The following AHNAK variants were observed in gnomAD, a reference collection of about 807,000 sequenced individuals.
AHNAK encodes AHNAK nucleoprotein, also known as neuroblast differentiation-associated protein AHNAK.
Under a neutral mutation model 37.8 loss-of-function variants are expected in AHNAK, and 23 were observed. The observed-to-expected ratio is 0.61, with a 90% CI of 0.44 to 0.86. The LOEUF (loss-of-function observed/expected upper bound fraction) is 0.86. AHNAK is among the 40% of genes least tolerant of loss of function. The pLI, the probability that AHNAK is intolerant of heterozygous loss-of-function variation, is 0.00. For missense variants in AHNAK, 7,411 were observed against 7,319.4 expected (o/e 1.01, Z -0.46); for synonymous variants, 2,481 against 2,636.3 (o/e 0.94, Z 1.80).
rs1234879475 is a variant in AHNAK, at chr11:62,478,159, CT to C, written c.442+13572del. 3.9e-5 allele frequency among the ~76,000 whole-genome samples: 6 copies of C among 152,290 alleles called. No individual in the cohort carries two copies. The East Asian group carries it at 1.2e-3, about 29-fold the overall frequency. ...ATTCCAGGTGGTTTCTTAGAATGGC[CT>C]CTCACCACCACCCGCAGCCTCACCC... is the stretch of plus-strand genomic sequence containing the variant. On this transcript the variant is annotated intron_variant, in intron 5 of 5. Coordinates refer to the AHNAK transcript ENST00000257247.
chr11:62,534,946 A>C (rs1940893227), intron 4 of AHNAK, 57 bp downstream of exon 4: 1 of 1,566,986 alleles, frequency 6.4e-7, no homozygotes, highest in African/African-American at 1.3e-5. Context: ...GAGTGGGGTC[A>C]GCAGGCCGGC....
intron 5 of AHNAK, among the ~76,000 whole-genome samples, chr11:62,438,974 C>T (rs1245255544): frequency 6.6e-6 from 1 of 152,068 alleles, no homozygotes; most frequent in East Asian, 1.9e-4. Flanking sequence ...ACAGGTACCA[C>T]TGCTGACCTG....
chr11:62,482,272 G>A (rs957551341), intron 5 of AHNAK, among the ~76,000 whole-genome samples: 25 of 152,218 alleles, frequency 1.6e-4, no homozygotes, highest in African/African-American at 5.5e-4. Context: ...AAATTTATCC[G>A]GGCGTGGTGG....
At chr11:62,463,977 C>T (rs1328480810) in intron 5 of AHNAK, among the ~76,000 whole-genome samples, 2 of 151,316 alleles carry the variant, frequency 1.3e-5, no homozygotes, top group Admixed American at 1.3e-4. Flanking sequence ...ACCATGTTGG[C>T]CAGGATGGTC....
chr11:62,484,656 G>A (rs991473259), intron 5 of AHNAK, among the ~76,000 whole-genome samples: 23 of 152,134 alleles, frequency 1.5e-4, no homozygotes, highest in African/African-American at 5.6e-4. Context: ...GAGCAGTGAG[G>A]GCCAGGTGGT....
chr11:62,466,136 A>G (rs1938907701), intron 5 of AHNAK, among the ~76,000 whole-genome samples: 1 of 152,114 alleles, frequency 6.6e-6, no homozygotes, highest in Non-Finnish European at 1.5e-5. Context: ...CCTGGCCAAC[A>G]TGGCGAAATC....
chr11:62,487,930 G>A (rs1342632289), intron 5 of AHNAK, among the ~76,000 whole-genome samples: 1 of 152,180 alleles, frequency 6.6e-6, no homozygotes, highest in Admixed American at 6.6e-5. Context: ...CATGAAAGTG[G>A]GGGACACGCA....
chr11:62,540,959 C>T (rs1451060317), intron 1 of AHNAK, among the ~76,000 whole-genome samples: 5 of 152,242 alleles, frequency 3.3e-5, no homozygotes, highest in Non-Finnish European at 7.3e-5. Context: ...AGATTCTTGA[C>T]CCCAGCAGAT....
chr11:62,439,805 CTA>C (rs900780327), intron 5 of AHNAK, among the ~76,000 whole-genome samples: 1 of 151,430 alleles, frequency 6.6e-6, no homozygotes, highest in Non-Finnish European at 1.5e-5. Context: ...GTAGGTGGGA[CTA>C]TAGGCACCCA....
intron 5 of AHNAK, among the ~76,000 whole-genome samples, chr11:62,468,137 T>C (rs1022960130): frequency 6.6e-6 from 1 of 152,088 alleles, no homozygotes; most frequent in African/African-American, 2.4e-5. Flanking sequence ...TCACTTGAGG[T>C]CAGGAGTTTG....
chr11:62,505,749 C>A (rs1939799075), intron 4 of AHNAK, among the ~76,000 whole-genome samples: 1 of 151,308 alleles, frequency 6.6e-6, no homozygotes, highest in African/African-American at 2.4e-5. Context: ...CCCGACACAC[C>A]TCCCCCTACT....
chr11:62,506,667 T>A (rs1368054183), intron 4 of AHNAK, among the ~76,000 whole-genome samples: 2 of 152,192 alleles, frequency 1.3e-5, no homozygotes, highest in African/African-American at 4.8e-5. Flanking sequence ...CTGGGGGCCT[T>A]CCAGGCTGTG....
chr11:62,470,998 G>A (rs1200482138), intron 5 of AHNAK, among the ~76,000 whole-genome samples: 1 of 152,038 alleles, frequency 6.6e-6, no homozygotes, highest in East Asian at 1.9e-4. Context: ...CCTGCAAGCT[G>A]AAAGAACGTC....
Position 62,526,861 on chromosome 11 carries a change from C to G in AHNAK, c.7556G>C (p.Ser2519Thr). ...GCCCTCTGCTTTGAAGCCAGGCATG[C>G]TGAACTTGGGCATTTTCATCTTGGG... ...KMPKMKMPKF[S>T]MPGFKAEGPE... is the part of the protein sequence containing the mutation. The change falls in exon 5 of 5, where the codon AGC becomes ACC. Residue 2519 changes from serine (S) to threonine (T), a missense_variant. By Grantham distance (58) the Ser-to-Thr change is moderately conservative (BLOSUM62 1). Transcript: ENST00000378024. 6.2e-7 allele frequency: 1 copy of G among 1,614,036 alleles called. No individual in the cohort carries two copies. Among genetic ancestry groups the G allele is most frequent in the Non-Finnish European group, 8.5e-7 (1 of 1,180,010 alleles).
chr11:62,520,552 A>C lies in AHNAK; in HGVS notation c.13865T>G (p.Leu4622Arg). 6.2e-7 allele frequency: 1 copy of C among 1,614,158 alleles called. No individual in the cohort carries two copies. Among genetic ancestry groups the C allele is most frequent in the Non-Finnish European group, 8.5e-7 (1 of 1,180,042 alleles). The change falls in exon 5 of 5, where the codon CTC becomes CGC. Residue 4622 changes from leucine (L) to arginine (R), a missense_variant. By Grantham distance (102) the Leu-to-Arg change is moderately radical (BLOSUM62 -2). Coordinates refer to ENST00000378024, the MANE Select transcript of AHNAK (RefSeq NM_001620.3). ...DISLPKVEGD[L>R]KGPEVDIRDP... ...CCTGATGTCAACTTCGGGGCCCTTG[A>C]GGTCGCCTTCCACTTTGGGCAGAGA...
In AHNAK at chr11:62,520,607, C is replaced by G. The variant is rs1168788946; in HGVS notation, c.13810G>C (p.Gly4604Arg). ...SMPEVDLNLKGPKVKGDMDIS... is the reference protein window; with the variant it reads ...SMPEVDLNLKRPKVKGDMDIS... ...TCCATGTCGCCCTTCACCTTTGGAC[C>G]TTTCAGATTCAGGTCAACTTCAGGC... Residue 4604 changes from glycine to arginine, a missense_variant, in exon 5 of 5, where the codon GGT becomes CGT. By Grantham distance (125) the Gly-to-Arg change is moderately radical. Transcript: ENST00000378024. The G allele has an allele frequency of 6.2e-7, 1 of 1,614,138 alleles. No homozygotes were observed. Among genetic ancestry groups the G allele is most frequent in the East Asian group, 2.2e-5 (1 of 44,878 alleles).
At position 62,518,321 on chromosome 11, in the gene AHNAK, T is replaced by C; in HGVS notation, c.16096A>G (p.Arg5366Gly). Reference protein sequence around the residue: ...LNVGAPDVTLRGPSLQGDLAV... With the variant: ...LNVGAPDVTLGGPSLQGDLAV... Reference sequence around the variant, plus strand: ...AGATCTCCCTGCAGGCTTGGTCCCCTCAGTGTCACATCTGGTGCCCCAACG... The same window carrying C: ...AGATCTCCCTGCAGGCTTGGTCCCCCCAGTGTCACATCTGGTGCCCCAACG... The change falls in exon 5 of 5, where the codon AGG becomes GGG. Residue 5366 changes from arginine (R) to glycine (G), a missense_variant. Physicochemically the swap from Arg to Gly is moderately radical, Grantham distance 125. Coordinates refer to ENST00000378024, the MANE Select transcript of AHNAK (RefSeq NM_001620.3). The C allele has an allele frequency of 1.2e-6, 2 of 1,614,192 alleles. No homozygotes were observed. The highest frequency in any genetic ancestry group is 1.7e-6 in the Non-Finnish European group (2 of 1,180,040).
chr11:62,532,537 T>G lies in AHNAK; in HGVS notation c.1880A>C (p.Lys627Thr). Residue 627 changes from lysine to threonine, a missense_variant, in exon 5 of 5, where the codon AAA becomes ACA. Physicochemically the swap from Lys to Thr is moderately conservative, Grantham distance 78 (BLOSUM62 -1). Coordinates refer to ENST00000378024, the MANE Select transcript of AHNAK (RefSeq NM_001620.3). ...VEAHGPEWNL[K>T]MPKMKMPTFS... is the part of the protein sequence containing the mutation. ...CGTGGGCATTTTCATCTTGGGCATTTTCAGGTTCCATTCTGGGCCATGCGC... is the reference window on the plus strand; with the variant it reads ...CGTGGGCATTTTCATCTTGGGCATTGTCAGGTTCCATTCTGGGCCATGCGC... The G allele has an allele frequency of 6.2e-7, 1 of 1,614,190 alleles. No homozygotes were observed. Among genetic ancestry groups the G allele is most frequent in the Non-Finnish European group, 8.5e-7 (1 of 1,180,040 alleles).
intron 5 of AHNAK, among the ~76,000 whole-genome samples, chr11:62,477,184 G>A (rs748209130): frequency 2.0e-5 from 3 of 152,222 alleles, no homozygotes; most frequent in Admixed American, 6.5e-5. Context: ...AGAGTTCGTC[G>A]AATCCCGAAG....
Sources: allele counts gnomAD v4.1 joint callset (sites outside exome capture counted in the v4.1 genomes callset), GRCh38; gene constraint gnomAD v4.1.1; transcripts MANE v1.5; gene names NCBI Gene and HGNC (gene_info 2026-07-23, HGNC 2026-07-21).